Variants in MTRFR observed in about 807,000 individuals in gnomAD.
MTRFR encodes mitochondrial translation release factor in rescue.
Under a neutral mutation model 11.9 loss-of-function variants are expected in MTRFR, and 10 were observed. The ratio of observed to expected loss-of-function variants is 0.84; its 90% confidence interval spans 0.52 to 1.42. The LOEUF (loss-of-function observed/expected upper bound fraction) is 1.42, where lower values mean the gene tolerates loss of function less well. MTRFR is among the 40% of genes most tolerant of loss of function. The pLI, the probability that MTRFR is intolerant of heterozygous loss-of-function variation, is 0.00. For synonymous variants in MTRFR, 77 were observed against 79.1 expected (o/e 0.97, Z 0.14); for missense variants, 196 against 197.9 (o/e 0.99, Z 0.06).
At chr12:123,236,178 A>G (rs907033304) in intron 1 of MTRFR, among the ~76,000 whole-genome samples, 1 of 152,234 alleles carries the variant, frequency 6.6e-6, no homozygotes, top group Admixed American at 6.5e-5. Context: ...CAAGGTGTAG[A>G]AAGGATAATT....
chr12:123,254,115 GT>G (rs1555238000), intron 2 of MTRFR, 159 bp downstream of exon 2: 8 of 809,308 alleles, frequency 9.9e-6, no homozygotes, highest in Non-Finnish European at 1.5e-5. Context: ...CGCAGATCTC[GT>G]CCCATCCCTG....
intron 1 of MTRFR, chr12:123,249,004 T>A (rs564998261): frequency 1.3e-5 from 2 of 152,114 alleles, no homozygotes; most frequent in Non-Finnish European, 2.9e-5. Flanking sequence ...AACCTTCAGC[T>A]AGACACAGAG....
rs1220239987 is a variant in MTRFR, at chr12:123,257,487, G to C, written c.*456G>C. 1 of 173,766 alleles carries C rather than the reference G, an allele frequency of 5.8e-6. No individual in the cohort carries two copies. Among genetic ancestry groups the C allele is most frequent in the African/African-American group, 2.4e-5 (1 of 41,578 alleles). The allele number at this position is 173,766 out of a possible 1,614,324, so 10.8% of individuals were successfully genotyped here. A position where few individuals can be genotyped will look rare whatever the true frequency, so the allele number is the denominator to read the frequency against. Reference sequence around the variant, plus strand: ...GCTGAGATCGCGCCACTGCACTCAAGCCTGGGCAACACCTGGGTGACAGAG... The same window carrying C: ...GCTGAGATCGCGCCACTGCACTCAACCCTGGGCAACACCTGGGTGACAGAG... On this transcript the variant is annotated 3_prime_UTR_variant, in exon 3 of 3. Coordinates refer to ENST00000253233, the MANE Select transcript of MTRFR (RefSeq NM_152269.5).
intron 1 of MTRFR, among the ~76,000 whole-genome samples, chr12:123,234,078 A>T (rs987768105): frequency 2.6e-5 from 4 of 152,080 alleles, no homozygotes; most frequent in Non-Finnish European, 5.9e-5. Context: ...CTGGGATCAC[A>T]GGCGCAAGCC....
intron 1 of MTRFR, among the ~76,000 whole-genome samples, chr12:123,238,537 G>T (rs1358014962): frequency 1.3e-5 from 2 of 152,152 alleles, no homozygotes; most frequent in African/African-American, 4.8e-5. Context: ...TTTTGAGACC[G>T]AGGCAGGCAG....
intron 2 of MTRFR, among the ~76,000 whole-genome samples, chr12:123,255,459 ATTTT>A (rs59965275): frequency 6.8e-6 from 1 of 147,740 alleles, no homozygotes; most frequent in African/African-American, 2.5e-5. Flanking sequence ...ATTTCATAGA[ATTTT>A]TTTTTTTTTA....
intron 1 of MTRFR, among the ~76,000 whole-genome samples, chr12:123,241,473 G>A (rs1364684028): frequency 6.6e-6 from 1 of 152,002 alleles, no homozygotes; most frequent in Non-Finnish European, 1.5e-5. Flanking sequence ...CAAGTAGCTG[G>A]GACTACAGGT....
chr12:123,238,581 G>T (rs1371119005), intron 1 of MTRFR, among the ~76,000 whole-genome samples: 1 of 151,902 alleles, frequency 6.6e-6, no homozygotes, highest in African/African-American at 2.4e-5. Context: ...GACCAGACTG[G>T]GCAACATGAT....
At chr12:123,241,222 C>A (rs146073123) in intron 1 of MTRFR, among the ~76,000 whole-genome samples, 1 of 151,638 alleles carries the variant, frequency 6.6e-6, no homozygotes, top group East Asian at 1.9e-4. Flanking sequence ...GAACTCCCAG[C>A]TTCATGGGCT....
rs1052199946 is a variant in MTRFR, at chr12:123,233,487, G to A, written c.-73G>A. ...GCGAATCCTCCGCTGAGGTGATTTG[G>A]ATATCCCTAGAACGTTGAGGGCACG... On this transcript the variant is annotated 5_prime_UTR_variant, in exon 1 of 3. Coordinates refer to ENST00000253233, the MANE Select transcript of MTRFR (RefSeq NM_152269.5). 1 of 152,258 alleles carries A rather than the reference G, an allele frequency of 6.6e-6. No individual in the cohort carries two copies. The highest frequency in any genetic ancestry group is 1.5e-5 in the Non-Finnish European group (1 of 68,068). The allele number at this position is 152,258 out of a possible 1,614,324, so 9.4% of individuals were successfully genotyped here. A position where few individuals can be genotyped will look rare whatever the true frequency, so the allele number is the denominator to read the frequency against.
intron 1 of MTRFR, chr12:123,253,400 A>C: frequency 2.3e-6 from 1 of 432,716 alleles, no homozygotes; most frequent in South Asian, 2.1e-5. Flanking sequence ...CTTGGAAGAT[A>C]TTTTTGGTCT....
chr12:123,243,656 G>A (rs567023338), intron 1 of MTRFR, among the ~76,000 whole-genome samples: 2 of 152,168 alleles, frequency 1.3e-5, no homozygotes, highest in South Asian at 2.1e-4. Flanking sequence ...AGGGAGCCGA[G>A]ATCGCGCCAC....
chr12:123,239,263 G>A (rs2047894082), intron 1 of MTRFR, among the ~76,000 whole-genome samples: 1 of 152,188 alleles, frequency 6.6e-6, no homozygotes, highest in South Asian at 2.1e-4. Context: ...AGCCAGACTG[G>A]TCTCAAAATA....
intron 1 of MTRFR, chr12:123,249,225 G>T (rs1019572543): frequency 6.6e-6 from 1 of 152,330 alleles, no homozygotes; most frequent in African/African-American, 2.4e-5. Flanking sequence ...AGTTCTCCAA[G>T]TCCCCACCCG....
At chr12:123,247,876 C>T (rs902353035) in intron 1 of MTRFR, among the ~76,000 whole-genome samples, 3 of 151,560 alleles carry the variant, frequency 2.0e-5, no homozygotes, top group Non-Finnish European at 1.5e-5. Context: ...ACCTGGGAGG[C>T]GGAGCTTGCA....
At chr12:123,255,114 C>T (rs2048169200) in intron 2 of MTRFR, 1 of 152,144 alleles carries the variant, frequency 6.6e-6, no homozygotes, top group Non-Finnish European at 1.5e-5. Flanking sequence ...TTCGAAGCAG[C>T]ATTAACTCTG....
intron 1 of MTRFR, among the ~76,000 whole-genome samples, chr12:123,247,806 G>A (rs1282099652): frequency 2.6e-5 from 4 of 152,100 alleles, no homozygotes; most frequent in African/African-American, 9.7e-5. Context: ...TTAGCCGGGC[G>A]TGGTAGCGGG....
intron 1 of MTRFR, chr12:123,250,191 A>G (rs1778551323): frequency 6.6e-6 from 1 of 152,142 alleles, no homozygotes; most frequent in Admixed American, 6.5e-5. Flanking sequence ...AGCATTTTGC[A>G]TTTCTAAAAA....
chr12:123,255,695 G>C (rs2048175725), intron 2 of MTRFR, among the ~76,000 whole-genome samples: 1 of 152,150 alleles, frequency 6.6e-6, no homozygotes, highest in African/African-American at 2.4e-5. Context: ...CGCAATCTCA[G>C]CTCACTGCAA....
Sources: gnomAD v4.1 joint callset for allele counts (sites outside exome capture counted in the v4.1 genomes callset) on GRCh38, gnomAD v4.1.1 for gene constraint, MANE v1.5 for transcripts, NCBI Gene and HGNC (gene_info 2026-07-23, HGNC 2026-07-21) for gene names.